Variants in LRRTM4 observed in about 807,000 individuals in gnomAD.
LRRTM4 encodes leucine rich repeat transmembrane neuronal 4, also known as leucine-rich repeat transmembrane neuronal protein 4.
Under a neutral mutation model 47.6 loss-of-function variants are expected in LRRTM4, and 25 were observed. The observed-to-expected ratio is 0.53, with a 90% CI of 0.38 to 0.73. The LOEUF (loss-of-function observed/expected upper bound fraction) is 0.73. Ranked by LOEUF, LRRTM4 falls within the 30% of genes least tolerant of loss-of-function variation. The probability of loss-of-function intolerance (pLI) is 0.00; values close to 1 mark genes in which losing one functional copy is unlikely to be tolerated. For synonymous variants in LRRTM4, 311 were observed against 269.5 expected (o/e 1.15, Z -1.51); for missense variants, 638 against 713.4 (o/e 0.89, Z 1.20).
chr2:77,382,087 T>G (rs1437850959), intron 3 of LRRTM4, among the ~76,000 whole-genome samples: 1 of 152,028 alleles, frequency 6.6e-6, no homozygotes, highest in African/African-American at 2.4e-5. Context: ...CTCCTAAAAT[T>G]TTGTTCTTGT....
intron 3 of LRRTM4, among the ~76,000 whole-genome samples, chr2:76,825,880 G>A (rs1671177041): frequency 6.7e-6 from 1 of 150,222 alleles, no homozygotes; most frequent in Non-Finnish European, 1.5e-5. Context: ...GGCAAAACAA[G>A]AGATTATGGA....
intron 3 of LRRTM4, among the ~76,000 whole-genome samples, chr2:76,801,144 C>T (rs1033917975): frequency 2.6e-5 from 4 of 152,052 alleles, no homozygotes; most frequent in African/African-American, 9.7e-5. Flanking sequence ...ACCATTTGAC[C>T]CAGCCATCCC....
chr2:76,994,019 C>A (rs1276283450), intron 3 of LRRTM4, among the ~76,000 whole-genome samples: 1 of 151,872 alleles, frequency 6.6e-6, no homozygotes, highest in African/African-American at 2.4e-5. Flanking sequence ...GGAAACCAAA[C>A]ACCACATGTT....
chr2:77,323,444 C>T (rs1387175311), intron 3 of LRRTM4, among the ~76,000 whole-genome samples: 3 of 152,106 alleles, frequency 2.0e-5, no homozygotes, highest in Admixed American at 6.6e-5. Context: ...GTCCACCCTA[C>T]GTTTGAACTT....
intron 3 of LRRTM4, among the ~76,000 whole-genome samples, chr2:77,189,677 G>A (rs897716883): frequency 1.3e-5 from 2 of 152,050 alleles, no homozygotes; most frequent in African/African-American, 2.4e-5. Context: ...AGAGCTAAAT[G>A]TGTGTTGTTT....
intron 3 of LRRTM4, among the ~76,000 whole-genome samples, chr2:77,430,668 C>T (rs936976242): frequency 1.4e-5 from 2 of 146,424 alleles, no homozygotes; most frequent in Non-Finnish European, 2.9e-5. Context: ...TTGTGGTGAG[C>T]TGAGACCACG....
At chr2:76,787,041 T>A (rs983470678) in intron 3 of LRRTM4, among the ~76,000 whole-genome samples, 3 of 152,012 alleles carry the variant, frequency 2.0e-5, no homozygotes, top group African/African-American at 7.2e-5. Context: ...GGGAAGTACA[T>A]AAGGATGCCC....
chr2:77,515,228 G>C (rs944349218), intron 3 of LRRTM4, among the ~76,000 whole-genome samples: 1 of 151,678 alleles, frequency 6.6e-6, no homozygotes, highest in Non-Finnish European at 1.5e-5. Flanking sequence ...AATTTTTACT[G>C]CCCAAATTAT....
chr2:77,480,605 C>G (rs1227342427), intron 3 of LRRTM4, among the ~76,000 whole-genome samples: 1 of 152,022 alleles, frequency 6.6e-6, no homozygotes. Flanking sequence ...TCTGCTTACT[C>G]CACACTGCCA....
At chr2:77,121,618 C>CA (rs1671522761) in intron 3 of LRRTM4, among the ~76,000 whole-genome samples, 1 of 151,690 alleles carries the variant, frequency 6.6e-6, no homozygotes, top group South Asian at 2.1e-4. Context: ...GGCTTTGGTG[C>CA]AAATAAATTA....
At chr2:76,997,888 C>T (rs1395894075) in intron 3 of LRRTM4, among the ~76,000 whole-genome samples, 1 of 151,760 alleles carries the variant, frequency 6.6e-6, no homozygotes, top group Non-Finnish European at 1.5e-5. Flanking sequence ...AAGCATGAAC[C>T]CTATTGTGAA....
At position 77,004,499 on chromosome 2, in the gene LRRTM4, A is replaced by G. The variant is rs371805170; in HGVS notation, c.1552-255583T>C. On this transcript the variant is annotated intron_variant, in intron 3 of 3. Transcript: ENST00000409884. ...TGAACCTTTGCCTAGATTTCAGAGC[A>G]TGTATGAAAACACCTGGATGTTCAG... Among the ~76,000 whole-genome samples, 28 of 152,118 alleles carry G rather than the reference A, an allele frequency of 1.8e-4. No individual in the cohort carries two copies. The South Asian group carries it at 5.0e-3, about 27-fold the overall frequency.
chr2:76,760,450 C>T (rs1673212043), intron 3 of LRRTM4, among the ~76,000 whole-genome samples: 1 of 152,110 alleles, frequency 6.6e-6, no homozygotes, highest in Admixed American at 6.5e-5. Context: ...CAGGTGGTTT[C>T]TGAGCCAAAG....
chr2:77,203,681 T>A (rs1674042925), intron 3 of LRRTM4, among the ~76,000 whole-genome samples: 1 of 152,132 alleles, frequency 6.6e-6, no homozygotes, highest in African/African-American at 2.4e-5. Context: ...CTGGAGAGTG[T>A]ATAGAAAAGA....
chr2:77,020,776 C>G (rs775093427), intron 3 of LRRTM4, among the ~76,000 whole-genome samples: 23 of 152,232 alleles, frequency 1.5e-4, no homozygotes, highest in Admixed American at 3.3e-4. Flanking sequence ...CAGCGTAGAG[C>G]CATGAGTGAA....
chr2:77,052,641 A>C (rs967459040), intron 3 of LRRTM4, among the ~76,000 whole-genome samples: 1 of 152,004 alleles, frequency 6.6e-6, no homozygotes, highest in Non-Finnish European at 1.5e-5. Flanking sequence ...GTTAGAATCT[A>C]TATAACAGGT....
At chr2:76,856,298 TA>T (rs975579040) in intron 3 of LRRTM4, among the ~76,000 whole-genome samples, 8 of 150,820 alleles carry the variant, frequency 5.3e-5, no homozygotes, top group South Asian at 2.1e-4. Context: ...GAGAGAGAGA[TA>T]AAAAAAAGTA....
intron 3 of LRRTM4, among the ~76,000 whole-genome samples, chr2:76,816,819 GTTTTTTTTT>G (rs201525166): frequency 2.5e-4 from 24 of 96,516 alleles, no homozygotes; most frequent in African/African-American, 7.0e-4. Flanking sequence ...GAGGTAAAGA[GTTTTTTTTT>G]TTTTTTTTTT....
chr2:77,242,452 A>T (rs1675295984), intron 3 of LRRTM4, among the ~76,000 whole-genome samples: 2 of 152,154 alleles, frequency 1.3e-5, no homozygotes, highest in South Asian at 4.1e-4. Flanking sequence ...AATATATTTT[A>T]AAAACTCCTA....
Sources: allele counts gnomAD v4.1 joint callset (sites outside exome capture counted in the v4.1 genomes callset), GRCh38; gene constraint gnomAD v4.1.1; transcripts MANE v1.5; gene names NCBI Gene and HGNC (gene_info 2026-07-23, HGNC 2026-07-21).